Variants in INSYN2B observed in about 807,000 individuals in gnomAD.
INSYN2B encodes the protein inhibitory synaptic factor family member 2B.
INSYN2B carries 16 observed loss-of-function variants against 41.2 expected under a neutral mutation model. The ratio of observed to expected loss-of-function variants is 0.39; its 90% CI spans 0.26 to 0.59. INSYN2B has a LOEUF of 0.59. INSYN2B is among the 20% of genes least tolerant of loss of function. INSYN2B has a pLI of 0.57. For missense variants in INSYN2B, 608 were observed against 646.4 expected (o/e 0.94, Z 0.64); for synonymous variants, 245 against 244.4 (o/e 1.00, Z -0.02).
chr5:169,940,887 G>A (rs1380104538), intron 1 of INSYN2B, among the ~76,000 whole-genome samples: 1 of 152,210 alleles, frequency 6.6e-6, no homozygotes, highest in Non-Finnish European at 1.5e-5. Flanking sequence ...CAGATCTAGT[G>A]GGTAAGGCCA....
chr5:169,899,638 T>C (rs1486496885), intron 1 of INSYN2B, among the ~76,000 whole-genome samples: 7 of 152,174 alleles, frequency 4.6e-5, no homozygotes, highest in Admixed American at 2.0e-4. Context: ...TTTTGTTCGA[T>C]GTTAGTGTCC....
At chr5:169,868,800 T>C (rs537832913) in intron 3 of INSYN2B, among the ~76,000 whole-genome samples, 2 of 152,246 alleles carry the variant, frequency 1.3e-5, no homozygotes, top group Admixed American at 6.5e-5. Context: ...GATTCTAGAA[T>C]GTGTATGGAA....
intron 1 of INSYN2B, among the ~76,000 whole-genome samples, chr5:169,900,815 C>T (rs1335057070): frequency 4.6e-5 from 7 of 152,062 alleles, no homozygotes; most frequent in African/African-American, 1.4e-4. Context: ...ATATTTCCTC[C>T]TATTACCAAG....
intron 3 of INSYN2B, among the ~76,000 whole-genome samples, chr5:169,869,023 G>A (rs1490851222): frequency 6.6e-6 from 1 of 152,142 alleles, no homozygotes. Context: ...AGTTACACTA[G>A]CTTCCTCGCT....
At chr5:169,973,323 A>G (rs547983072) in intron 1 of INSYN2B, among the ~76,000 whole-genome samples, 2 of 152,324 alleles carry the variant, frequency 1.3e-5, no homozygotes, top group South Asian at 4.1e-4. Flanking sequence ...CAAGTGAACC[A>G]GAAGCAAACT....
chr5:169,908,197 G>A (rs985382473), intron 1 of INSYN2B, among the ~76,000 whole-genome samples: 39 of 152,184 alleles, frequency 2.6e-4, no homozygotes, highest in African/African-American at 9.2e-4. Flanking sequence ...CAGGACAAAT[G>A]TTAATAGCTT....
intron 1 of INSYN2B, among the ~76,000 whole-genome samples, chr5:169,961,236 C>G (rs971787664): frequency 1.3e-5 from 2 of 152,230 alleles, no homozygotes; most frequent in Non-Finnish European, 2.9e-5. Context: ...TCATCTCTAA[C>G]ATTTCCACAC....
In INSYN2B at chr5:169,862,830, T is replaced by C. The variant is rs376012283; in HGVS notation, c.*1443A>G. On this transcript the variant is annotated 3_prime_UTR_variant, in exon 4 of 4. Transcript: ENST00000377365. The stretch of plus-strand genomic sequence containing the variant: ...TAGGCTCAATTTGCAGTGGGGTAGG[T>C]ACATCCCACGAACACACAGGATTCT... 1.4e-4 allele frequency among the ~76,000 whole-genome samples: 21 copies of C among 152,316 alleles called. No individual in the cohort carries two copies. Among genetic ancestry groups the C allele is most frequent in the African/African-American group, 5.1e-4 (21 of 41,568 alleles).
intron 3 of INSYN2B, among the ~76,000 whole-genome samples, chr5:169,874,279 G>A (rs1297008224): frequency 6.6e-6 from 1 of 152,002 alleles, no homozygotes. Context: ...TGGGTGTGGT[G>A]GCGGGCACCT....
intron 3 of INSYN2B, among the ~76,000 whole-genome samples, chr5:169,877,047 G>A (rs1041768747): frequency 6.6e-6 from 1 of 152,218 alleles, no homozygotes; most frequent in African/African-American, 2.4e-5. Context: ...TCCTTCTGGG[G>A]AAGGATTGGA....
At chr5:169,899,432 T>C (rs2113572065) in intron 1 of INSYN2B, among the ~76,000 whole-genome samples, 1 of 152,180 alleles carries the variant, frequency 6.6e-6, no homozygotes, top group South Asian at 2.1e-4. Flanking sequence ...TACCTATAAA[T>C]AGGATGGCAA....
intron 1 of INSYN2B, among the ~76,000 whole-genome samples, chr5:169,941,121 G>A (rs1581449413): frequency 6.6e-6 from 1 of 152,304 alleles, no homozygotes; most frequent in South Asian, 2.1e-4. Context: ...GCGCCCCGAA[G>A]GGAAAGCACA....
intron 1 of INSYN2B, among the ~76,000 whole-genome samples, chr5:169,944,927 T>G (rs1219273797): frequency 6.6e-6 from 1 of 152,202 alleles, no homozygotes; most frequent in Non-Finnish European, 1.5e-5. Context: ...CTGCTACATG[T>G]TCTAACTTCT....
chr5:169,952,042 A>G (rs1776685486), intron 1 of INSYN2B, among the ~76,000 whole-genome samples: 1 of 152,238 alleles, frequency 6.6e-6, no homozygotes, highest in African/African-American at 2.4e-5. Context: ...AACATGTGAA[A>G]GAGAGATCCT....
At chr5:169,898,114 G>T (rs999053712) in intron 1 of INSYN2B, among the ~76,000 whole-genome samples, 1 of 152,200 alleles carries the variant, frequency 6.6e-6, no homozygotes, top group Non-Finnish European at 1.5e-5. Flanking sequence ...CTTGTGTGTT[G>T]TTCTTCCTTT....
chr5:169,939,872 A>G (rs1020652675), intron 1 of INSYN2B, among the ~76,000 whole-genome samples: 6 of 152,212 alleles, frequency 3.9e-5, no homozygotes, highest in African/African-American at 1.2e-4. Context: ...TGCCCTCTTC[A>G]GCTCATTAAT....
At position 169,971,297 on chromosome 5, in the gene INSYN2B, G is replaced by A. The variant is rs866308415; in HGVS notation, c.-919+8980C>T. Reference sequence around the variant, plus strand: ...CTGCCAGAGAAGGAGCCAGCCTGCCGGGGAGCTGGGGCCTGACAGGAAGCA... The same window carrying A: ...CTGCCAGAGAAGGAGCCAGCCTGCCAGGGAGCTGGGGCCTGACAGGAAGCA... On this transcript the variant is annotated intron_variant, in intron 1 of 3. Coordinates refer to ENST00000377365, the MANE Select transcript of INSYN2B (RefSeq NM_001129891.3). Among the ~76,000 whole-genome samples the A allele has an allele frequency of 3.3e-5, 5 of 152,198 alleles. No homozygotes were observed. The South Asian group carries it at 8.3e-4, about 25-fold the overall frequency.
chr5:169,877,056 G>C (rs1278693695), intron 3 of INSYN2B, among the ~76,000 whole-genome samples: 1 of 152,200 alleles, frequency 6.6e-6, no homozygotes, highest in Admixed American at 6.5e-5. Flanking sequence ...GGAAGGATTG[G>C]ATTGTGAGGT....
At chr5:169,881,687 AGATGAGG>A (rs2113502430) in intron 2 of INSYN2B, among the ~76,000 whole-genome samples, 1 of 152,296 alleles carries the variant, frequency 6.6e-6, no homozygotes, top group Admixed American at 6.5e-5. Context: ...TCCTGTTGTG[AGATGAGG>A]GATTCTGCAG....
Sources: gnomAD v4.1 joint callset for allele counts (sites outside exome capture counted in the v4.1 genomes callset) on GRCh38, gnomAD v4.1.1 for gene constraint, MANE v1.5 for transcripts, NCBI Gene and HGNC (gene_info 2026-07-23, HGNC 2026-07-21) for gene names.